The following PIK3R3 variants were observed in gnomAD, a reference collection of about 807,000 sequenced individuals.
PIK3R3 encodes phosphatidylinositol 3-kinase regulatory subunit gamma.
Under a neutral mutation model 62.9 loss-of-function variants are expected in PIK3R3, and 64 were observed. That is an observed-to-expected ratio of 1.02 (90% CI 0.83 to 1.25). PIK3R3 has a LOEUF of 1.25. Ranked by LOEUF, PIK3R3 falls within the 50% of genes most tolerant of loss-of-function variation. PIK3R3 has a pLI of 0.00. For missense variants in PIK3R3, 614 were observed against 561.6 expected (o/e 1.09, Z -0.94); for synonymous variants, 165 against 189.0 (o/e 0.87, Z 1.04).
the PIK3R3 span, among the ~76,000 whole-genome samples, chr1:46,161,426 G>T: frequency 2.0e-5 from 3 of 152,056 alleles, no homozygotes; most frequent in Non-Finnish European, 4.4e-5. Flanking sequence ...AATACTCAGT[G>T]CTATGTCATA....
intron 6 of PIK3R3, among the ~76,000 whole-genome samples, chr1:46,058,915 G>T (rs1425124929): frequency 6.6e-6 from 1 of 152,086 alleles, no homozygotes; most frequent in Non-Finnish European, 1.5e-5. Context: ...ATTTGGGAGG[G>T]GCCAGGGGCA....
In PIK3R3 at chr1:46,055,833, G is replaced by T. The variant is rs767066383; in HGVS notation, c.903C>A (p.Asp301Glu). ...IDKKMNSIKP[D>E]LIQLRKIRDQ... is the part of the protein sequence containing the mutation. ...CTCGGATCTTTCGCAGCTGGATCAG[G>T]TCAGGTTTGATGCTATTCATTTTTT... The change falls in exon 7 of 10, where the codon GAC (aspartate) becomes GAA (glutamate). Residue 301 changes from aspartate (D) to glutamate (E), a missense_variant. Coordinates refer to ENST00000262741, the MANE Select transcript of PIK3R3 (RefSeq NM_003629.4). 1 of 1,432,762 alleles carries T rather than the reference G, an allele frequency of 7.0e-7. No homozygotes were observed. The highest frequency in any genetic ancestry group is 2.1e-5 in the Admixed American group (1 of 47,070). The allele number at this position is 1,432,762 out of a possible 1,614,324, so 88.8% of individuals were successfully genotyped here.
At position 46,041,568 on chromosome 1, in the gene PIK3R3, G is replaced by C. The variant is rs960074217; in HGVS notation, c.*2105C>G. The C allele has an allele frequency of 5.6e-6, 1 of 178,994 alleles. No homozygotes were observed. The highest frequency in any genetic ancestry group is 1.2e-5 in the Non-Finnish European group (1 of 83,158). 11.1% of individuals were successfully genotyped at this position (178,994 alleles called of 1,614,324 possible). ...GTTTAAAAGACACTCAGAACACACT[G>C]AAATTTTAGTACCAGATGGGAGGGA... On this transcript the variant is annotated 3_prime_UTR_variant, in exon 10 of 10. Transcript: ENST00000262741.
intron 1 of PIK3R3, among the ~76,000 whole-genome samples, chr1:46,082,089 T>G (rs969306424): frequency 6.6e-6 from 1 of 152,060 alleles, no homozygotes. Context: ...AAATCCTAAC[T>G]GCAAAAGGAA....
chr1:46,145,244 T>G, the PIK3R3 span, among the ~76,000 whole-genome samples: 1 of 152,120 alleles, frequency 6.6e-6, no homozygotes, highest in Non-Finnish European at 1.5e-5. Flanking sequence ...TTCCTACCCT[T>G]GGCTCTATCC....
At chr1:46,158,583 G>A in the PIK3R3 span, among the ~76,000 whole-genome samples, 4 of 152,164 alleles carry the variant, frequency 2.6e-5, no homozygotes, top group African/African-American at 9.7e-5. Context: ...CTCCCCCATG[G>A]GACAGTAGGC....
chr1:46,128,975 G>A (rs1460436653), intron 1 of PIK3R3, among the ~76,000 whole-genome samples: 2 of 152,078 alleles, frequency 1.3e-5, no homozygotes, highest in Non-Finnish European at 2.9e-5. Context: ...GGAGGCTGAG[G>A]CAGGAGAATC....
chr1:46,124,850 C>T (rs546731872), intron 1 of PIK3R3, among the ~76,000 whole-genome samples: 1 of 150,192 alleles, frequency 6.7e-6, no homozygotes, highest in Admixed American at 6.6e-5. Context: ...GTAATCCTAG[C>T]ACTTTGGGAG....
intron 7 of PIK3R3, 97 bp from the exon 8 acceptor site, chr1:46,046,722 C>G: frequency 2.5e-6 from 2 of 788,406 alleles, no homozygotes; most frequent in Non-Finnish European, 4.3e-6. Context: ...GTCTAGACAC[C>G]TCTTGTTTTT....
In PIK3R3 at chr1:46,046,087, T is replaced by A. The variant is rs758061073; in HGVS notation, c.1018A>T (p.Asn340Tyr). ...TCATCTTCCTCATTGATAAAATAGT[T>A]CCTAAAAATTAAATATTAGTATATT... ...LGIKNEDADE[N>Y]YFINEEDENL... Residue 340 changes from asparagine (N) to tyrosine (Y), a missense_variant and splice_region_variant, in exon 9 of 10, where the codon AAC becomes TAC. Coordinates refer to ENST00000262741, the MANE Select transcript of PIK3R3 (RefSeq NM_003629.4). 8.3e-6 allele frequency: 13 copies of A among 1,556,984 alleles called. No individual in the cohort carries two copies. The East Asian group carries it at 2.9e-4, about 35-fold the overall frequency.
intron 1 of PIK3R3, among the ~76,000 whole-genome samples, chr1:46,101,068 T>A (rs1652617440): frequency 6.8e-6 from 1 of 146,124 alleles, no homozygotes; most frequent in African/African-American, 2.6e-5. Context: ...GCTACTCGGG[T>A]GGCTGAGGCA....
chr1:46,086,859 A>G (rs1651104987), intron 1 of PIK3R3, among the ~76,000 whole-genome samples: 1 of 152,122 alleles, frequency 6.6e-6, no homozygotes, highest in Admixed American at 6.6e-5. Context: ...TCTCCTCCCT[A>G]CCTGCCCAAG....
At chr1:46,138,812 C>G in the PIK3R3 span, 1 of 152,166 alleles carries the variant, frequency 6.6e-6, no homozygotes, top group Non-Finnish European at 1.5e-5. Context: ...TTGTTTGTGT[C>G]CTCAGCTTTG....
chr1:46,169,988 T>C, the PIK3R3 span, among the ~76,000 whole-genome samples: 1 of 152,148 alleles, frequency 6.6e-6, no homozygotes, highest in African/African-American at 2.4e-5. Flanking sequence ...CTCCACAGGG[T>C]CCTCTATCAG....
intron 1 of PIK3R3, among the ~76,000 whole-genome samples, chr1:46,120,259 G>A (rs1654546146): frequency 6.6e-6 from 1 of 152,156 alleles, no homozygotes; most frequent in Non-Finnish European, 1.5e-5. Context: ...TCAATACTAT[G>A]TGACCCTATG....
At chr1:46,060,797 A>G (rs762052322) in intron 6 of PIK3R3, among the ~76,000 whole-genome samples, 41 of 152,232 alleles carry the variant, frequency 2.7e-4, no homozygotes, top group Non-Finnish European at 5.3e-4. Context: ...GCTTAGCTCT[A>G]AACTCATGCA....
At chr1:46,132,763 C>A (rs952129547), upstream of PIK3R3, 8 of 1,279,678 alleles carry the variant, frequency 6.3e-6, no homozygotes, top group African/African-American at 6.1e-5. Flanking sequence ...GCCCCTTCCA[C>A]GCCGTCCCGC....
Position 46,043,550 on chromosome 1 carries a change from C to T in PIK3R3, c.*123G>A. On this transcript the variant is annotated 3_prime_UTR_variant, in exon 10 of 10. Transcript: ENST00000262741. ...CGGCTGCTGCTCGGCCTCTCCACTT[C>T]ACATTCACAAAATCACTTCTTGTGC... 4 of 887,912 alleles carry T rather than the reference C, an allele frequency of 4.5e-6. No homozygotes were observed. Among genetic ancestry groups the T allele is most frequent in the Non-Finnish European group, 7.0e-6 (4 of 572,466 alleles). 55.0% of individuals were successfully genotyped at this position (887,912 alleles called of 1,614,324 possible). A position where few individuals can be genotyped will look rare whatever the true frequency, so the allele number is the denominator to read the frequency against.
At chr1:46,067,829 G>A (rs1649144650) in intron 3 of PIK3R3, among the ~76,000 whole-genome samples, 1 of 152,076 alleles carries the variant, frequency 6.6e-6, no homozygotes, top group African/African-American at 2.4e-5. Context: ...GACAGTTCAG[G>A]CCACCTTTGT....
Sources: gnomAD v4.1 joint callset for allele counts (sites outside exome capture counted in the v4.1 genomes callset) on GRCh38, gnomAD v4.1.1 for gene constraint, MANE v1.5 for transcripts, NCBI Gene and HGNC (gene_info 2026-07-23, HGNC 2026-07-21) for gene names.